The following DAB1 variants were observed in gnomAD, a reference collection of about 807,000 sequenced individuals.
The protein encoded by DAB1 is DAB adaptor protein 1, also known as disabled homolog 1.
In DAB1, 15 loss-of-function variants were observed where a neutral mutation model predicts 64.6. The observed-to-expected ratio is 0.23, with a 90% CI of 0.16 to 0.36. The LOEUF (loss-of-function observed/expected upper bound fraction) is 0.36. Ranked by LOEUF, DAB1 falls within the 10% of genes least tolerant of loss-of-function variation. The pLI is 1.00. For synonymous variants in DAB1, 235 were observed against 251.9 expected, an observed-to-expected ratio of 0.93 and a Z score of 0.64; for missense variants, 596 against 706.7, an observed-to-expected ratio of 0.84 and a Z score of 1.78.
Position 58,179,090 on chromosome 1 carries a change from T to C in DAB1, n.310-28502A>G, listed in dbSNP as rs182281853. ...CTTTTTTGGCATGTATTGAGATGAT[T>C]ATAAGGTTTTTGTCCTTTAATGTAT... On this transcript the variant is annotated intron_variant and non_coding_transcript_variant, in intron 4 of 20. Coordinates refer to the DAB1 transcript ENST00000485760. Among the ~76,000 whole-genome samples the C allele has an allele frequency of 2.6e-4, 39 of 152,050 alleles. No individual in the cohort carries two copies. In the East Asian group the frequency reaches 5.8e-3, roughly 23 times the overall value.
chr1:58,015,670 G>A (rs1646728428), intron 5 of DAB1, among the ~76,000 whole-genome samples: 1 of 152,050 alleles, frequency 6.6e-6, no homozygotes, highest in Non-Finnish European at 1.5e-5. Context: ...CTTCTTGGCT[G>A]CACCTTAAAA....
chr1:58,055,156 A>G (rs1243916733), intron 5 of DAB1, among the ~76,000 whole-genome samples: 1 of 152,212 alleles, frequency 6.6e-6, no homozygotes, highest in Non-Finnish European at 1.5e-5. Flanking sequence ...GGATTTCAGA[A>G]TATGCTGTTG....
At chr1:57,446,798 A>C (rs1008361286) in intron 7 of DAB1, among the ~76,000 whole-genome samples, 1 of 152,084 alleles carries the variant, frequency 6.6e-6, no homozygotes, top group African/African-American at 2.4e-5. Context: ...CAGGAAGGAG[A>C]ACAAGGGAGT....
chr1:58,170,182 T>G (rs559839923), intron 4 of DAB1, among the ~76,000 whole-genome samples: 4 of 152,312 alleles, frequency 2.6e-5, no homozygotes, highest in Non-Finnish European at 4.4e-5. Flanking sequence ...GGATCCCCAC[T>G]GGGACCTCGA....
intron 5 of DAB1, among the ~76,000 whole-genome samples, chr1:58,015,770 G>A (rs914343936): frequency 5.3e-5 from 8 of 152,158 alleles, no homozygotes; most frequent in African/African-American, 1.2e-4. Context: ...ATGTGTGGTC[G>A]GGATTGAGAA....
intron 6 of DAB1, among the ~76,000 whole-genome samples, chr1:57,795,690 G>GATAGATATATATAT (rs1553129769): frequency 1.4e-5 from 1 of 69,092 alleles, no homozygotes; most frequent in African/African-American, 5.6e-5. Context: ...TATGCTTGGA[G>GATAGATATATATAT]ATATATATAT....
chr1:57,817,184 G>A (rs926319843), intron 6 of DAB1, among the ~76,000 whole-genome samples: 3 of 152,110 alleles, frequency 2.0e-5, no homozygotes, highest in African/African-American at 4.8e-5. Flanking sequence ...TAGTTATTAC[G>A]ATTATTATAT....
At chr1:58,046,753 C>A (rs1018622155) in intron 5 of DAB1, among the ~76,000 whole-genome samples, 5 of 152,300 alleles carry the variant, frequency 3.3e-5, no homozygotes, top group Admixed American at 3.3e-4. Flanking sequence ...GTAAACAAAG[C>A]ATCTCACACA....
intron 1 of DAB1, among the ~76,000 whole-genome samples, chr1:57,827,342 G>C (rs956881814): frequency 6.6e-6 from 1 of 152,208 alleles, no homozygotes; most frequent in African/African-American, 2.4e-5. Flanking sequence ...ACACATGTTA[G>C]TATCTGTGCC....
intron 6 of DAB1, among the ~76,000 whole-genome samples, chr1:57,696,575 C>T (rs147832601): frequency 1.3e-4 from 20 of 152,254 alleles, no homozygotes; most frequent in African/African-American, 3.6e-4. Flanking sequence ...CTACAGCTGG[C>T]CAACACTCTC....
chr1:58,492,006 T>A (rs1275553307), intron 3 of DAB1, among the ~76,000 whole-genome samples: 1 of 152,114 alleles, frequency 6.6e-6, no homozygotes, highest in African/African-American at 2.4e-5. Context: ...ATTGACCACA[T>A]AGTTGGAAGT....
At chr1:57,927,269 C>G (rs905609791) in intron 5 of DAB1, among the ~76,000 whole-genome samples, 1 of 152,140 alleles carries the variant, frequency 6.6e-6, no homozygotes, top group Admixed American at 6.5e-5. Flanking sequence ...GTTTGAGATT[C>G]GAGAACAGAG....
intron 7 of DAB1, among the ~76,000 whole-genome samples, chr1:57,454,531 G>C (rs748694256): frequency 6.6e-6 from 1 of 152,004 alleles, no homozygotes; most frequent in Non-Finnish European, 1.5e-5. Context: ...GGAGGGACAG[G>C]ATCAGAAAAA....
intron 4 of DAB1, among the ~76,000 whole-genome samples, chr1:58,288,605 T>G (rs989936367): frequency 1.3e-5 from 2 of 152,202 alleles, no homozygotes. Context: ...AGCAGATACC[T>G]CTACTGTTAC....
At chr1:57,293,821 T>A (rs956673694) in intron 1 of DAB1, among the ~76,000 whole-genome samples, 4 of 152,158 alleles carry the variant, frequency 2.6e-5, no homozygotes, top group Non-Finnish European at 4.4e-5. Flanking sequence ...TTTCTCTTCT[T>A]CAACCTTATA....
intron 1 of DAB1, among the ~76,000 whole-genome samples, chr1:57,302,859 T>C (rs765911760): frequency 2.0e-5 from 3 of 152,208 alleles, no homozygotes; most frequent in Non-Finnish European, 4.4e-5. Context: ...GAACTTGGCA[T>C]GACCCCTCCC....
chr1:58,461,937 T>C (rs1044239756), intron 3 of DAB1, among the ~76,000 whole-genome samples: 1 of 152,146 alleles, frequency 6.6e-6, no homozygotes. Context: ...CACCAAGGAA[T>C]TGTGGGGCAT....
intron 2 of DAB1, among the ~76,000 whole-genome samples, chr1:57,211,774 A>G (rs919488842): frequency 1.3e-5 from 2 of 152,258 alleles, no homozygotes; most frequent in African/African-American, 4.8e-5. Flanking sequence ...AACAATAACA[A>G]TAATGCAAAT....
At chr1:57,142,215 CT>C (rs1658668792) in intron 3 of DAB1, among the ~76,000 whole-genome samples, 1 of 152,170 alleles carries the variant, frequency 6.6e-6, no homozygotes, top group Non-Finnish European at 1.5e-5. Context: ...AGAAAACTCT[CT>C]AATGCAAGAA....
Sources: allele counts gnomAD v4.1 joint callset (sites outside exome capture counted in the v4.1 genomes callset), GRCh38; gene constraint gnomAD v4.1.1; transcripts MANE v1.5; gene names NCBI Gene and HGNC (gene_info 2026-07-23, HGNC 2026-07-21).